TAF2: variants seen among roughly 807,000 people sequenced by gnomAD.
TAF2 encodes transcription initiation factor TFIID subunit 2.
Under a neutral mutation model 138.5 loss-of-function variants are expected in TAF2, and 61 were observed. That is an observed-to-expected ratio of 0.44 (90% CI 0.36 to 0.54). The LOEUF (loss-of-function observed/expected upper bound fraction) is 0.54. TAF2 is among the 20% of genes least tolerant of loss of function. The probability of loss-of-function intolerance (pLI) is 0.00; values close to 1 mark genes in which losing one functional copy is unlikely to be tolerated. For missense variants in TAF2, 1,090 were observed against 1,427.9 expected (o/e 0.76, Z 3.81); for synonymous variants, 475 against 469.9 (o/e 1.01, Z -0.14).
At chr8:119,752,528 A>G (rs1820421630) in intron 22 of TAF2, among the ~76,000 whole-genome samples, 1 of 152,126 alleles carries the variant, frequency 6.6e-6, no homozygotes, top group Non-Finnish European at 1.5e-5. Flanking sequence ...TCAGCTCCAA[A>G]TTCCCCTAGC....
intron 2 of TAF2, 116 bp from the exon 3 acceptor site, chr8:119,819,622 C>CTACA (rs1825696969): frequency 2.5e-6 from 2 of 786,212 alleles, no homozygotes; most frequent in Non-Finnish European, 4.4e-6. Context: ...TCCCTAATAG[C>CTACA]TACATACATA....
In TAF2 at chr8:119,797,099, T is replaced by A; in HGVS notation, c.982A>T (p.Asn328Tyr). The change falls in exon 8 of 26, where the codon AAT becomes TAT. Residue 328 changes from asparagine to tyrosine, a missense_variant. By Grantham distance (143) the Asn-to-Tyr change is moderately radical. Transcript: ENST00000378164. ...ATAATCATGGCACTGTGTAAAAGAT[T>A]TGTGCTGGAATTTAAAAGAGAAGAA... ...AYASMSIFSTNLLHSAMIIDE... is the reference protein window; with the variant it reads ...AYASMSIFSTYLLHSAMIIDE... 1 of 1,607,980 alleles carries A rather than the reference T, an allele frequency of 6.2e-7. No homozygotes were observed. Among genetic ancestry groups the A allele is most frequent in the South Asian group, 1.1e-5 (1 of 90,926 alleles).
chr8:119,745,629 G>C (rs1335984954), intron 23 of TAF2, among the ~76,000 whole-genome samples: 1 of 152,032 alleles, frequency 6.6e-6, no homozygotes, highest in African/African-American at 2.4e-5. Context: ...GAAAAATGAA[G>C]CTTGAAGTAT....
chr8:119,780,983 T>A, intron 17 of TAF2, 70 bp downstream of exon 17: 1 of 1,426,658 alleles, frequency 7.0e-7, no homozygotes, highest in South Asian at 1.3e-5. Flanking sequence ...AACACATCTA[T>A]TATTTGAACA....
At chr8:119,758,596 A>G (rs533366431) in intron 20 of TAF2, among the ~76,000 whole-genome samples, 2 of 152,260 alleles carry the variant, frequency 1.3e-5, no homozygotes, top group South Asian at 4.1e-4. Flanking sequence ...ATTTAAGACT[A>G]AAGAACAGTT....
At chr8:119,741,138 A>C (rs1279856627) in intron 25 of TAF2, among the ~76,000 whole-genome samples, 1 of 152,200 alleles carries the variant, frequency 6.6e-6, no homozygotes, top group Admixed American at 6.5e-5. Context: ...TTTTAAAAGC[A>C]ATAAGGATCA....
rs1210226619 is a variant in TAF2, at chr8:119,747,982, G to A, written c.2879-1048C>T. Among the ~76,000 whole-genome samples the A allele has an allele frequency of 4.6e-5, 7 of 152,066 alleles. 1 individual carries two copies. ...CTACTAAAAATACAAAAATTAGCTGGGTGTGGTGGTGCATGACTGTAATCC... is the reference window on the plus strand; with the variant it reads ...CTACTAAAAATACAAAAATTAGCTGAGTGTGGTGGTGCATGACTGTAATCC... On this transcript the variant is annotated intron_variant, in intron 22 of 25. Coordinates refer to ENST00000378164, the MANE Select transcript of TAF2 (RefSeq NM_003184.4).
intron 20 of TAF2, among the ~76,000 whole-genome samples, chr8:119,759,195 A>G (rs1820894921): frequency 6.6e-6 from 1 of 152,142 alleles, no homozygotes; most frequent in South Asian, 2.1e-4. Flanking sequence ...CTGTTTTTAT[A>G]AATAATTATT....
chr8:119,799,088 A>T (rs1824042640), intron 6 of TAF2, among the ~76,000 whole-genome samples: 1 of 152,186 alleles, frequency 6.6e-6, no homozygotes, highest in Non-Finnish European at 1.5e-5. Context: ...TCAATAGCTC[A>T]GAGTAGAAAA....
intron 18 of TAF2, among the ~76,000 whole-genome samples, chr8:119,766,284 T>C (rs1821412735): frequency 6.6e-6 from 1 of 152,130 alleles, no homozygotes; most frequent in Non-Finnish European, 1.5e-5. Flanking sequence ...ATATCATAAC[T>C]GAGGTAAGGG....
In TAF2 at chr8:119,795,676, T is replaced by A; in HGVS notation, c.1092-45A>T. On this transcript the variant is annotated intron_variant, in intron 8 of 25. Coordinates refer to ENST00000378164, the MANE Select transcript of TAF2 (RefSeq NM_003184.4). ...ATAAATTACTTTTAATCATAAAAAC[T>A]CCTCAGATAATGTCAAAGAGGATAA... The A allele has an allele frequency of 2.6e-6, 4 of 1,509,538 alleles. 1 individual carries two copies. The highest frequency in any genetic ancestry group is 3.7e-6 in the Non-Finnish European group (4 of 1,086,206). The allele number at this position is 1,509,538 out of a possible 1,614,324, so 93.5% of individuals were successfully genotyped here.
Position 119,795,638 on chromosome 8 carries a change from A to G in TAF2, c.1092-7T>C. ...CAGCACCCATTCATCAGACCTAAGC[A>G]AAAAGTCAAAGCATAAATTACTTTT... is the stretch of plus-strand genomic sequence containing the variant. On this transcript the variant is annotated splice_polypyrimidine_tract_variant and splice_region_variant and intron_variant, in intron 8 of 25. Transcript: ENST00000378164. 2 of 1,612,530 alleles carry G rather than the reference A, an allele frequency of 1.2e-6. No homozygotes were observed. The highest frequency in any genetic ancestry group is 1.7e-6 in the Non-Finnish European group (2 of 1,178,748).
At chr8:119,811,893 C>G (rs1364701884) in intron 3 of TAF2, among the ~76,000 whole-genome samples, 1 of 150,178 alleles carries the variant, frequency 6.7e-6, no homozygotes, top group Non-Finnish European at 1.5e-5. Context: ...TCTACCTTAA[C>G]AGGTTTTCCT....
chr8:119,811,968 T>G (rs1193650012), intron 3 of TAF2, among the ~76,000 whole-genome samples: 4 of 152,108 alleles, frequency 2.6e-5, no homozygotes, highest in Non-Finnish European at 1.5e-5. Flanking sequence ...AATGCAACTT[T>G]TTTGTTTTTT....
At chr8:119,814,582 C>T (rs1437225837) in intron 3 of TAF2, among the ~76,000 whole-genome samples, 1 of 151,710 alleles carries the variant, frequency 6.6e-6, no homozygotes, top group Non-Finnish European at 1.5e-5. Context: ...AAAGTTGGGA[C>T]ATTTCAAGTA....
chr8:119,770,812 G>A lies in TAF2; in HGVS notation c.2364+7207C>T, dbSNP rs192499718. Among the ~76,000 whole-genome samples the A allele has an allele frequency of 1.4e-4, 22 of 152,250 alleles. No individual in the cohort carries two copies. The East Asian group carries it at 2.1e-3, about 15-fold the overall frequency. Reference sequence around the variant, plus strand: ...AGAGTGGCCAGGTGCAGTGGCTCACGCCTGTAATCCTACCACTTTGGGAGA... The same window carrying A: ...AGAGTGGCCAGGTGCAGTGGCTCACACCTGTAATCCTACCACTTTGGGAGA... On this transcript the variant is annotated intron_variant, in intron 18 of 25. Coordinates refer to ENST00000378164, the MANE Select transcript of TAF2 (RefSeq NM_003184.4).
rs1343712587 is a variant in TAF2 at position 119,819,336 on chromosome 8, C to T, written c.299+10G>A. The T allele has an allele frequency of 1.2e-6, 2 of 1,611,832 alleles. No individual in the cohort carries two copies. Among genetic ancestry groups the T allele is most frequent in the South Asian group, 1.1e-5 (1 of 91,048 alleles). On this transcript the variant is annotated intron_variant, in intron 3 of 25. Transcript: ENST00000378164. ...GTTAAAAATAGTGACTTTTAAAGTG[C>T]ATAACTTACTGTTTTGATTCACTGT... is the stretch of plus-strand genomic sequence containing the variant.
intron 8 of TAF2, among the ~76,000 whole-genome samples, chr8:119,796,369 A>G (rs1823829083): frequency 6.6e-6 from 1 of 152,152 alleles, no homozygotes; most frequent in Admixed American, 6.5e-5. Flanking sequence ...GTTCACAATT[A>G]TAATCTTAAT....
intron 25 of TAF2, among the ~76,000 whole-genome samples, chr8:119,733,466 G>A (rs1819017306): frequency 6.6e-6 from 1 of 152,132 alleles, no homozygotes; most frequent in African/African-American, 2.4e-5. Context: ...TCATCTCTCT[G>A]GGTCTAGTTC....
Sources: allele counts gnomAD v4.1 joint callset (sites outside exome capture counted in the v4.1 genomes callset), GRCh38; gene constraint gnomAD v4.1.1; transcripts MANE v1.5; gene names NCBI Gene and HGNC (gene_info 2026-07-23, HGNC 2026-07-21).